Variants in BPIFB3 observed in about 807,000 individuals in gnomAD.
BPIFB3 encodes BPI fold-containing family B member 3.
A neutral mutation model predicts 53.1 loss-of-function variants in BPIFB3; 49 were observed. That is an observed-to-expected ratio of 0.92 (90% CI 0.73 to 1.17). The LOEUF (loss-of-function observed/expected upper bound fraction) is 1.17, where lower values mean the gene tolerates loss of function less well. Among genes scored for constraint, BPIFB3 ranks in the 50% most tolerant of loss-of-function variants. The probability of loss-of-function intolerance (pLI) is 0.00; values close to 1 mark genes in which losing one functional copy is unlikely to be tolerated. For missense variants in BPIFB3, 628 were observed against 592.5 expected (o/e 1.06, Z -0.62); for synonymous variants, 271 against 269.6 (o/e 1.01, Z -0.05).
chr20:33,064,578 C>T, intron 7 of BPIFB3, 30 bp downstream of exon 8: 1 of 1,612,560 alleles, frequency 6.2e-7, no homozygotes, highest in Non-Finnish European at 8.5e-7. Context: ...TCTCCTCCTG[C>T]TGGGGGTGGC....
intron 8 of BPIFB3, 114 bp downstream of exon 9, chr20:33,064,959 A>G (rs1240271189): frequency 1.7e-6 from 2 of 1,184,392 alleles, no homozygotes; most frequent in Non-Finnish European, 1.2e-6. Flanking sequence ...TCTCTATAAT[A>G]AAAGGGAGTT....
At chr20:33,066,139 G>A (rs1980662229) in intron 8 of BPIFB3, among the ~76,000 whole-genome samples, 1 of 152,130 alleles carries the variant, frequency 6.6e-6, no homozygotes, top group Non-Finnish European at 1.5e-5. Context: ...TATGTAGTTC[G>A]GTGGGCGGGG....
At chr20:33,065,516 A>C (rs1305771601) in intron 8 of BPIFB3, among the ~76,000 whole-genome samples, 1 of 151,348 alleles carries the variant, frequency 6.6e-6, no homozygotes, top group Non-Finnish European at 1.5e-5. Flanking sequence ...GTCTCAGAAA[A>C]AGAGAAAGAA....
intron 9 of BPIFB3, 61 bp downstream of exon 10, chr20:33,066,938 G>C: frequency 6.4e-7 from 1 of 1,552,890 alleles, no homozygotes; most frequent in Non-Finnish European, 8.9e-7. Context: ...CATGAATGGA[G>C]TCCAGAATCT....
intron 13 of BPIFB3, 64 bp downstream of exon 14, chr20:33,072,231 G>C (rs1046167557): frequency 8.5e-6 from 13 of 1,535,706 alleles, no homozygotes; most frequent in Non-Finnish European, 1.2e-5. Context: ...CTAGTCTGTT[G>C]CCTCTCTTTA....
chr20:33,054,728 G>A (rs998432317), upstream of BPIFB3, among the ~76,000 whole-genome samples: 2 of 152,196 alleles, frequency 1.3e-5, no homozygotes, highest in Non-Finnish European at 2.9e-5. Flanking sequence ...GGAGTGATGG[G>A]TGGGCATAGA....
rs1415526259 is a variant in BPIFB3, at chr20:33,068,807, TG to T, written c.987del (p.Lys330SerfsTer14). 17 of 1,613,328 alleles carry T rather than the reference TG, an allele frequency of 1.1e-5. No homozygotes were observed. The highest frequency in any genetic ancestry group is 1.4e-5 in the Non-Finnish European group (17 of 1,179,604). Reference sequence around the variant, plus strand: ...TATGCCCCTGCATTTCTCCAGGCCCTGGGGAAGCTGCCCCTGCACCAGCAAC... The same window carrying T: ...TATGCCCCTGCATTTCTCCAGGCCCTGGGAAGCTGCCCCTGCACCAGCAAC... On this transcript the variant is annotated frameshift_variant, in exon 10 of 15. Coordinates refer to ENST00000375494, the Ensembl canonical transcript of BPIFB3. LOFTEE classifies it high-confidence loss of function.
At chr20:33,072,750 T>G in exon 14 of BPIFB3, 1 of 1,613,844 alleles carries the variant, frequency 6.2e-7, no homozygotes, top group Non-Finnish European at 8.5e-7. Flanking sequence ...CTGCCTAAGG[T>G]TCTTAATATC....
chr20:33,059,843 G>A, intron 3 of BPIFB3, 48 bp from the exon 5 acceptor site: 2 of 1,599,668 alleles, frequency 1.3e-6, no homozygotes, highest in South Asian at 1.1e-5. Flanking sequence ...GCGGGGCCAA[G>A]GGTGGGAGCT....
exon 4 of BPIFB3, chr20:33,059,894 C>A (rs771503405): frequency 6.2e-7 from 1 of 1,613,592 alleles, no homozygotes; most frequent in South Asian, 1.1e-5. Flanking sequence ...CTTGCAGCCC[C>A]CTTGGTGGCC....
intron 9 of BPIFB3, among the ~76,000 whole-genome samples, chr20:33,067,473 A>G (rs1299178339): frequency 6.6e-6 from 1 of 152,240 alleles, no homozygotes; most frequent in Non-Finnish European, 1.5e-5. Flanking sequence ...GGCTCTCACC[A>G]GAGAGGATGG....
chr20:33,069,931 T>A, exon 11 of BPIFB3: 1 of 1,614,230 alleles, frequency 6.2e-7, no homozygotes, highest in South Asian at 1.1e-5. Flanking sequence ...GCTACCAAGC[T>A]GCACATCTCC....
At chr20:33,059,508 C>T (rs777079649) in intron 3 of BPIFB3, 26 bp downstream of exon 4, 11 of 1,528,608 alleles carry the variant, frequency 7.2e-6, no homozygotes, top group Non-Finnish European at 9.0e-6. Context: ...GGACCTCTAC[C>T]CTCCTGCTTC....
chr20:33,073,167 G>A (rs1040809920), intron 14 of BPIFB3, among the ~76,000 whole-genome samples: 1 of 152,174 alleles, frequency 6.6e-6, no homozygotes, highest in Non-Finnish European at 1.5e-5. Flanking sequence ...CAGCAGATAT[G>A]ACCAATGGAT....
intron 10 of BPIFB3, 101 bp from the exon 12 acceptor site, chr20:33,069,787 C>G: frequency 8.6e-7 from 1 of 1,167,592 alleles, no homozygotes; most frequent in Non-Finnish European, 1.3e-6. Flanking sequence ...ACAGTAGGGC[C>G]TCAGTAAGGG....
intron 11 of BPIFB3, 40 bp downstream of exon 12, chr20:33,069,995 T>C: frequency 6.3e-7 from 1 of 1,597,176 alleles, no homozygotes; most frequent in Non-Finnish European, 8.6e-7. Context: ...GTTCTTGTCT[T>C]TAGGAACAAG....
At chr20:33,071,970 G>A in intron 12 of BPIFB3, 134 bp from the exon 14 acceptor site, 1 of 832,526 alleles carries the variant, frequency 1.2e-6, no homozygotes, top group Non-Finnish European at 2.0e-6. Context: ...TGCCTGCCAG[G>A]AGCTGTGTCC....
chr20:33,061,764 T>C lies in BPIFB3; in HGVS notation c.528-4T>C. On this transcript the variant is annotated splice_region_variant and splice_polypyrimidine_tract_variant and intron_variant, in intron 4 of 14. Coordinates refer to ENST00000375494, the Ensembl canonical transcript of BPIFB3. ...CGCACCCACATGTGTCTCCCTCTGC[T>C]CAGGCTGCTGCCCACACCACTCTTT... is the stretch of plus-strand genomic sequence containing the variant. 2 of 1,614,104 alleles carry C rather than the reference T, an allele frequency of 1.2e-6. No individual in the cohort carries two copies. The highest frequency in any genetic ancestry group is 2.2e-5 in the South Asian group (2 of 91,062).
In BPIFB3 at chr20:33,064,437, G is replaced by T. The variant is rs374376656; in HGVS notation, c.653-20G>T. Reference sequence around the variant, plus strand: ...GAACTGGGCTTATAGGGTCGTTCTCGCCCCCACTTTCCCACGCAGGCCTGG... The same window carrying T: ...GAACTGGGCTTATAGGGTCGTTCTCTCCCCCACTTTCCCACGCAGGCCTGG... On this transcript the variant is annotated intron_variant, in intron 6 of 14. Coordinates refer to ENST00000375494, the Ensembl canonical transcript of BPIFB3. The T allele has an allele frequency of 2.5e-6, 4 of 1,604,586 alleles. No individual in the cohort carries two copies. The Admixed American group carries it at 6.7e-5, about 27-fold the overall frequency.
Sources: allele counts gnomAD v4.1 joint callset (sites outside exome capture counted in the v4.1 genomes callset), GRCh38; gene constraint gnomAD v4.1.1; transcripts MANE v1.5; gene names NCBI Gene and HGNC (gene_info 2026-07-23, HGNC 2026-07-21).